The following SLC13A3 variants were observed in gnomAD, a reference collection of about 807,000 sequenced individuals.
SLC13A3 encodes solute carrier family 13 member 3.
A neutral mutation model predicts 59.0 loss-of-function variants in SLC13A3; 40 were observed. That is an observed-to-expected ratio of 0.68 (90% CI 0.53 to 0.88). The LOEUF (loss-of-function observed/expected upper bound fraction) is 0.88. SLC13A3 is among the 40% of genes least tolerant of loss of function. The pLI is 0.00. For missense variants in SLC13A3, 699 were observed against 783.2 expected, an observed-to-expected ratio of 0.89 and a Z score of 1.28; for synonymous variants, 317 against 330.3, an observed-to-expected ratio of 0.96 and a Z score of 0.44.
chr20:46,616,082 A>G (rs2062551280), intron 1 of SLC13A3, among the ~76,000 whole-genome samples: 1 of 152,166 alleles, frequency 6.6e-6, no homozygotes, highest in Admixed American at 6.5e-5. Flanking sequence ...AAAGAATAAT[A>G]CAGAATCAAA....
rs1231752107 is a variant in SLC13A3 at position 46,588,153 on chromosome 20, G to A, written c.1027C>T (p.Gln343Ter). 1.9e-6 allele frequency: 3 copies of A among 1,609,472 alleles called. No homozygotes were observed. Among genetic ancestry groups the A allele is most frequent in the Non-Finnish European group, 2.5e-6 (3 of 1,177,090 alleles). ...ATGCAGAAAAGGATGAAAACAGCCTGTTCGGCAAACCTGTGGCACAGACAT... is the reference window on the plus strand; with the variant it reads ...ATGCAGAAAAGGATGAAAACAGCCTATTCGGCAAACCTGTGGCACAGACAT... ...QNLGPIKFAE[Q>*]AVFILFCMFA... Residue 343 changes from glutamine (Q) to a stop codon, truncating the protein, a stop_gained, in exon 8 of 13, where the codon CAG (glutamine) becomes TAG (stop). Coordinates refer to ENST00000279027, the MANE Select transcript of SLC13A3 (RefSeq NM_022829.6). LOFTEE classifies it high-confidence loss of function.
At chr20:46,566,168 G>A (rs1160824644) in intron 11 of SLC13A3, 61 bp downstream of exon 11, 1 of 1,442,182 alleles carries the variant, frequency 6.9e-7, no homozygotes, top group Non-Finnish European at 9.7e-7. Flanking sequence ...CTTGGCGGGG[G>A]AAGATTTCTG....
intron 5 of SLC13A3, among the ~76,000 whole-genome samples, chr20:46,592,999 C>T (rs2062275414): frequency 1.3e-5 from 2 of 152,214 alleles, no homozygotes; most frequent in Admixed American, 1.3e-4. Context: ...TCACATATAA[C>T]ACATCTGCAG....
intron 3 of SLC13A3, chr20:46,609,011 T>C: frequency 3.2e-6 from 5 of 1,550,656 alleles, no homozygotes; most frequent in Non-Finnish European, 4.4e-6. Context: ...CAAGGGGAGC[T>C]TGAAGTTTCA....
chr20:46,608,787 T>C lies in SLC13A3; in HGVS notation c.541+1659A>G, dbSNP rs2122734905. 4 of 1,373,258 alleles carry C rather than the reference T, an allele frequency of 2.9e-6. 1 individual carries two copies. In the South Asian group the frequency reaches 7.0e-5, roughly 24 times the overall value. The allele number at this position is 1,373,258 out of a possible 1,614,324, so 85.1% of individuals were successfully genotyped here. ...CTAGCACACAAAACCTATGGTTTCA[T>C]GGATAATGCTTGTTGTGTTCACTGA... On this transcript the variant is annotated intron_variant, in intron 3 of 12. Transcript: ENST00000279027.
At chr20:46,598,771 C>T (rs1197276142) in intron 4 of SLC13A3, among the ~76,000 whole-genome samples, 1 of 152,162 alleles carries the variant, frequency 6.6e-6, no homozygotes, top group African/African-American at 2.4e-5. Flanking sequence ...TGATGTCCCA[C>T]ATGCTCTGTC....
chr20:46,636,286 G>A lies in SLC13A3; in HGVS notation c.111+15025C>T, dbSNP rs143446156. Among the ~76,000 whole-genome samples, 189 of 152,196 alleles carry A rather than the reference G, an allele frequency of 1.2e-3. 1 individual carries two copies. Among genetic ancestry groups the A allele is most frequent in the African/African-American group, 4.3e-3 (179 of 41,528 alleles). ...TATAGATCTTGCTTATTTATCCCTC[G>A]CTAGAATGTCAGCTGCATAGCTGAA... On this transcript the variant is annotated intron_variant, in intron 1 of 12. Coordinates refer to ENST00000279027, the MANE Select transcript of SLC13A3 (RefSeq NM_022829.6).
chr20:46,641,329 A>C (rs1297440048), intron 1 of SLC13A3, among the ~76,000 whole-genome samples: 1 of 152,210 alleles, frequency 6.6e-6, no homozygotes, highest in Non-Finnish European at 1.5e-5. Context: ...CTCTGGGTAC[A>C]GGGCTGCCAT....
At chr20:46,638,951 A>G (rs1156299394) in intron 1 of SLC13A3, among the ~76,000 whole-genome samples, 1 of 152,114 alleles carries the variant, frequency 6.6e-6, no homozygotes, top group African/African-American at 2.4e-5. Context: ...CCTGGGAGCA[A>G]ATTTGCTGGA....
At chr20:46,683,809 G>A (rs2063165507) in intron 1 of SLC13A3, among the ~76,000 whole-genome samples, 1 of 152,114 alleles carries the variant, frequency 6.6e-6, no homozygotes, top group Non-Finnish European at 1.5e-5. Flanking sequence ...TGGCTGCCAG[G>A]TCCTGTGCCA....
intron 7 of SLC13A3, 133 bp from the exon 8 acceptor site, chr20:46,588,296 C>T (rs2062215165): frequency 1.8e-6 from 1 of 561,666 alleles, no homozygotes; most frequent in Non-Finnish European, 3.2e-6. Context: ...AAGTCATCCA[C>T]TCCCCAGGGA....
intron 1 of SLC13A3, among the ~76,000 whole-genome samples, chr20:46,680,039 G>T (rs73115543): frequency 0.022 from 3,360 of 152,300 alleles, 63 homozygotes; most frequent in Middle Eastern, 0.048. Flanking sequence ...TGTAAAATGG[G>T]TATGGCAGAT....
chr20:46,592,446 C>G lies in SLC13A3; in HGVS notation c.878G>C (p.Gly293Ala). 6.2e-7 allele frequency: 1 copy of G among 1,613,888 alleles called. No homozygotes were observed. The highest frequency in any genetic ancestry group is 1.7e-4 in the Middle Eastern group (1 of 6,060). ...FPLMLLFLLA[G>A]WLWISFLYGG... ...GTACAGGAAGGAGATCCAGAGCCAG[C>G]CTGCCAACAGGAACAACAGCATAAG... The change falls in exon 6 of 13, where the codon GGC becomes GCC. Residue 293 changes from glycine (G) to alanine (A), a missense_variant. Physicochemically the swap from Gly to Ala is moderately conservative, Grantham distance 60 (BLOSUM62 0). Coordinates refer to ENST00000279027, the MANE Select transcript of SLC13A3 (RefSeq NM_022829.6).
At chr20:46,588,738 G>T (rs143186002) in intron 7 of SLC13A3, among the ~76,000 whole-genome samples, 58 of 152,152 alleles carry the variant, frequency 3.8e-4, no homozygotes, top group African/African-American at 1.4e-3. Context: ...CCCAGAGAGG[G>T]TTAGTGCCAT....
chr20:46,579,787 T>C (rs536488319), intron 9 of SLC13A3, among the ~76,000 whole-genome samples: 129 of 152,356 alleles, frequency 8.5e-4, no homozygotes, highest in Admixed American at 1.4e-3. Context: ...AGATTCCACA[T>C]AAAAATCTAG....
rs138116475 is a variant in SLC13A3, at chr20:46,588,037, C to T, written c.1121+22G>A. 10,659 of 1,492,438 alleles carry T rather than the reference C, an allele frequency of 7.1e-3. 60 individuals carry two copies. The highest frequency in any genetic ancestry group is 0.016 in the Admixed American group (925 of 56,136). The allele number at this position is 1,492,438 out of a possible 1,614,324, so 92.4% of individuals were successfully genotyped here. A position where few individuals can be genotyped will look rare whatever the true frequency, so the allele number is the denominator to read the frequency against. On this transcript the variant is annotated intron_variant, in intron 8 of 12. Coordinates refer to ENST00000279027, the MANE Select transcript of SLC13A3 (RefSeq NM_022829.6). ...AGAATCCTCCCTGTTGGACTCCTCC[C>T]TGTGGGTCCCCAGAGTCTCACCCAG...
Position 46,563,549 on chromosome 20 carries a change from GGCC to G in SLC13A3, c.1495-1_1496del, listed in dbSNP as rs1248532637. On this transcript the variant is annotated splice_acceptor_variant and coding_sequence_variant, in exon 12 of 13. Coordinates refer to ENST00000279027, the MANE Select transcript of SLC13A3 (RefSeq NM_022829.6). LOFTEE classifies it high-confidence loss of function. ...ACAGGGGGTGCACTCTCAGGCGGATGGCCTGGGCCAGGAAAAGGTGGGAGAGAC... is the reference window on the plus strand; with the variant it reads ...ACAGGGGGTGCACTCTCAGGCGGATGTGGGCCAGGAAAAGGTGGGAGAGAC... 1 of 1,613,528 alleles carries G rather than the reference GGCC, an allele frequency of 6.2e-7. No homozygotes were observed. Among genetic ancestry groups the G allele is most frequent in the Non-Finnish European group, 8.5e-7 (1 of 1,179,748 alleles).
intron 3 of SLC13A3, among the ~76,000 whole-genome samples, chr20:46,608,370 G>C (rs1234466291): frequency 1.3e-5 from 2 of 152,078 alleles, no homozygotes; most frequent in African/African-American, 4.8e-5. Flanking sequence ...TCACTGCAAG[G>C]GCAGCGTTGA....
At chr20:46,655,958 CATATATGT>C (rs1196990818), upstream of SLC13A3, among the ~76,000 whole-genome samples, 2 of 139,104 alleles carry the variant, frequency 1.4e-5, no homozygotes, top group African/African-American at 5.4e-5. Context: ...ATACAGTATA[CATATATGT>C]ATATATGTAT....
Sources: allele counts gnomAD v4.1 joint callset (sites outside exome capture counted in the v4.1 genomes callset), GRCh38; gene constraint gnomAD v4.1.1; transcripts MANE v1.5; gene names NCBI Gene and HGNC (gene_info 2026-07-23, HGNC 2026-07-21).